UNC80: variants seen among roughly 807,000 people sequenced by gnomAD.
The protein encoded by UNC80 is unc-80 subunit of NALCN channel complex, also known as protein unc-80 homolog.
In UNC80, 164 loss-of-function variants were observed where a neutral mutation model predicts 384.6. The observed-to-expected ratio is 0.43, with a 90% CI of 0.38 to 0.49. The LOEUF (loss-of-function observed/expected upper bound fraction) is 0.49. Ranked by LOEUF, UNC80 falls within the 20% of genes least tolerant of loss-of-function variation. UNC80 has a pLI of 0.00. For missense variants in UNC80, 3,330 were observed against 4,143.0 expected, an observed-to-expected ratio of 0.80 and a Z score of 5.39; for synonymous variants, 1,486 against 1,527.8, an observed-to-expected ratio of 0.97 and a Z score of 0.64.
chr2:209,792,554 A>G (rs1465581850), intron 6 of UNC80, among the ~76,000 whole-genome samples: 2 of 152,094 alleles, frequency 1.3e-5, no homozygotes, highest in Non-Finnish European at 2.9e-5. Flanking sequence ...TTACCATGTT[A>G]GCCCGGATGG....
intron 52 of UNC80, 39 bp from the exon 53 acceptor site, chr2:209,969,729 G>A (rs757334582): frequency 7.1e-5 from 110 of 1,550,300 alleles, no homozygotes; most frequent in Non-Finnish European, 9.5e-5. Context: ...CTCTCCAGAA[G>A]GGAGCCAAGA....
chr2:209,931,083 C>A, intron 38 of UNC80, 29 bp downstream of exon 38: 1 of 1,456,320 alleles, frequency 6.9e-7, no homozygotes, highest in Non-Finnish European at 9.4e-7. Flanking sequence ...TTTCCAATTA[C>A]GAAGCAGCAC....
At chr2:209,866,997 C>T (rs1295679004) in intron 22 of UNC80, among the ~76,000 whole-genome samples, 1 of 152,208 alleles carries the variant, frequency 6.6e-6, no homozygotes, top group African/African-American at 2.4e-5. Flanking sequence ...ATCAGGATAA[C>T]TGGAATATCC....
chr2:209,910,916 T>C (rs190411750), intron 29 of UNC80, among the ~76,000 whole-genome samples: 8 of 152,304 alleles, frequency 5.3e-5, no homozygotes, highest in African/African-American at 1.4e-4. Context: ...TGTGCTAAGA[T>C]GCATGGGGGA....
chr2:209,941,413 T>C lies in UNC80; in HGVS notation c.6839T>C (p.Val2280Ala). 3 of 1,546,802 alleles carry C rather than the reference T, an allele frequency of 1.9e-6. No individual in the cohort carries two copies. The highest frequency in any genetic ancestry group is 2.6e-6 in the Non-Finnish European group (3 of 1,144,232). The change falls in exon 44 of 65, where the codon GTC (valine) becomes GCC (alanine). Residue 2280 changes from valine (V) to alanine (A), a missense_variant. Physicochemically the swap from Val to Ala is moderately conservative, Grantham distance 64. Transcript: ENST00000673920. Reference protein sequence around the residue: ...SALLRQYAATVINTAVHFNHL... With the variant: ...SALLRQYAATAINTAVHFNHL... ...CTGCTCAGGCAGTATGCTGCCACCG[T>C]CATCAACACCGCGGTGCACTTCAAC... is the stretch of plus-strand genomic sequence containing the variant.
At chr2:209,808,100 C>T (rs1431463969) in intron 7 of UNC80, among the ~76,000 whole-genome samples, 1 of 152,104 alleles carries the variant, frequency 6.6e-6, no homozygotes, top group Non-Finnish European at 1.5e-5. Flanking sequence ...ACTAACATGC[C>T]CTGTTAGAAA....
chr2:209,877,765 G>A (rs530983188), intron 23 of UNC80, among the ~76,000 whole-genome samples, 189 bp from the exon 24 acceptor site: 2 of 152,298 alleles, frequency 1.3e-5, no homozygotes, highest in South Asian at 2.1e-4. Flanking sequence ...TGACCTTGGG[G>A]ATAGCTGTTT....
chr2:209,962,831 C>T (rs546217118), intron 51 of UNC80, among the ~76,000 whole-genome samples: 10 of 152,078 alleles, frequency 6.6e-5, no homozygotes, highest in East Asian at 1.9e-4. Context: ...AAGTTAAGTG[C>T]GCACTTGAAT....
At chr2:209,787,042 C>G (rs1188797640) in intron 5 of UNC80, among the ~76,000 whole-genome samples, 1 of 139,556 alleles carries the variant, frequency 7.2e-6, no homozygotes, top group Admixed American at 7.1e-5. Context: ...TAAAATACAC[C>G]ACACACATAT....
chr2:209,977,146 C>T (rs2093034148), intron 58 of UNC80, 68 bp downstream of exon 58: 1 of 1,353,686 alleles, frequency 7.4e-7, no homozygotes, highest in African/African-American at 1.4e-5. Flanking sequence ...AAGAATCCCT[C>T]TGTCCAGGTC....
At chr2:209,824,099 AT>A (rs201525590) in intron 13 of UNC80, among the ~76,000 whole-genome samples, 1,824 of 152,296 alleles carry the variant, frequency 0.012, 40 homozygotes, top group African/African-American at 0.04. Flanking sequence ...CTTGGGTCCT[AT>A]TCCCATCTCA....
At position 209,901,354 on chromosome 2, in the gene UNC80, A is replaced by G. The variant is rs144231910; in HGVS notation, c.4582-3411A>G. Among the ~76,000 whole-genome samples the G allele has an allele frequency of 5.9e-5, 9 of 152,308 alleles. No individual in the cohort carries two copies. The East Asian group carries it at 1.4e-3, about 23-fold the overall frequency. ...GCTAAATTTACTCTTCCTGAGCTCT[A>G]TAAATGGAAAAATAAAGCCCGGATG... is the stretch of plus-strand genomic sequence containing the variant. On this transcript the variant is annotated intron_variant, in intron 28 of 64. Coordinates refer to ENST00000673920, the MANE Select transcript of UNC80 (RefSeq NM_001371986.1).
intron 22 of UNC80, among the ~76,000 whole-genome samples, chr2:209,857,547 A>G (rs1181578995): frequency 6.6e-6 from 1 of 151,578 alleles, no homozygotes; most frequent in East Asian, 1.9e-4. Context: ...TAATCTTTCT[A>G]TTGTATGTTC....
At chr2:209,878,302 C>T (rs998322078) in intron 24 of UNC80, among the ~76,000 whole-genome samples, 3 of 152,118 alleles carry the variant, frequency 2.0e-5, no homozygotes, top group Non-Finnish European at 4.4e-5. Flanking sequence ...CAGAGAGGGG[C>T]AAGGAGCTGC....
At position 209,969,750 on chromosome 2, in the gene UNC80, G is replaced by C; in HGVS notation, c.8007-18G>C. The C allele has an allele frequency of 6.4e-7, 1 of 1,551,362 alleles. No individual in the cohort carries two copies. Among genetic ancestry groups the C allele is most frequent in the Non-Finnish European group, 8.7e-7 (1 of 1,146,842 alleles). The stretch of plus-strand genomic sequence containing the variant: ...AGAAGGGAGCCAAGACGCTAATGGC[G>C]CCTATATTGTATTCCAGGCGACAGG... On this transcript the variant is annotated intron_variant, in intron 52 of 64. Transcript: ENST00000673920.
At chr2:209,840,471 T>C in intron 19 of UNC80, 71 bp from the exon 20 acceptor site, 1 of 1,312,692 alleles carries the variant, frequency 7.6e-7, no homozygotes, top group Non-Finnish European at 1.1e-6. Context: ...GTTGGGCTTA[T>C]GTTGACATTT....
intron 35 of UNC80, among the ~76,000 whole-genome samples, chr2:209,924,440 G>T (rs2090273437): frequency 6.6e-6 from 1 of 152,150 alleles, no homozygotes; most frequent in Non-Finnish European, 1.5e-5. Flanking sequence ...AAGTCTTCCA[G>T]CCTTTACTGA....
chr2:209,914,874 T>C (rs1029703450), intron 31 of UNC80, among the ~76,000 whole-genome samples: 23 of 152,176 alleles, frequency 1.5e-4, no homozygotes, highest in Non-Finnish European at 3.2e-4. Context: ...ACTGAATGAA[T>C]TGACATATTG....
chr2:209,938,700 CTCTCTCTCTCTG>C (rs1468363550), intron 42 of UNC80, among the ~76,000 whole-genome samples: 18 of 150,344 alleles, frequency 1.2e-4, no homozygotes, highest in African/African-American at 4.0e-4. Flanking sequence ...CTCTCTCTCT[CTCTCTCTCTCTG>C]TGTGTGTGTG....
Sources: allele counts gnomAD v4.1 joint callset (sites outside exome capture counted in the v4.1 genomes callset), GRCh38; gene constraint gnomAD v4.1.1; transcripts MANE v1.5; gene names NCBI Gene and HGNC (gene_info 2026-07-23, HGNC 2026-07-21).